P3H1: variants seen among roughly 807,000 people sequenced by gnomAD.
The protein encoded by P3H1 is prolyl 3-hydroxylase 1.
P3H1 carries 69 observed loss-of-function variants against 84.0 expected under a neutral mutation model. The observed-to-expected ratio is 0.82, with a 90% CI of 0.68 to 1.00. The LOEUF is 1.00. Ranked by LOEUF, P3H1 falls within the 50% of genes least tolerant of loss-of-function variation. P3H1 has a pLI of 0.00. For synonymous variants in P3H1, 366 were observed against 388.8 expected (o/e 0.94, Z 0.69); for missense variants, 878 against 962.8 (o/e 0.91, Z 1.17).
At position 42,752,316 on chromosome 1, in the gene P3H1, G is replaced by A. The variant is rs1349076527; in HGVS notation, c.1527C>T (p.Pro509=). The A allele has an allele frequency of 9.3e-6, 15 of 1,613,998 alleles. No homozygotes were observed. Among genetic ancestry groups the A allele is most frequent in the Non-Finnish European group, 1.3e-5 (15 of 1,180,024 alleles). ...GYRGQTSPHT[P]NEKFYGVTVF... The stretch of plus-strand genomic sequence containing the variant: ...CAGTGACACCATAGAACTTTTCATT[G>A]GGAGTATGTGGGGAGGTCTGACCCC... Residue 509 remains proline (P), a synonymous_variant, in exon 10 of 15, where the codon CCC becomes CCT. Transcript: ENST00000296388.
chr1:42,753,096 C>T (rs1349668591), intron 8 of P3H1, among the ~76,000 whole-genome samples: 2 of 152,100 alleles, frequency 1.3e-5, no homozygotes, highest in Non-Finnish European at 2.9e-5. Flanking sequence ...ATGTTTGATG[C>T]CAGTATAATG....
At chr1:42,762,143 T>C (rs377161561) in intron 2 of P3H1, 180 bp downstream of exon 2, 2 of 611,886 alleles carry the variant, frequency 3.3e-6, no homozygotes, top group Non-Finnish European at 5.8e-6. Flanking sequence ...AAAGAATGCA[T>C]GCCTGTAGTC....
intron 5 of P3H1, among the ~76,000 whole-genome samples, chr1:42,757,073 T>C (rs1652441659): frequency 6.6e-6 from 1 of 152,144 alleles, no homozygotes. Flanking sequence ...CTCCCCTTAA[T>C]GGCCATAAGG....
chr1:42,758,604 TACA>T (rs1489025593), intron 4 of P3H1, among the ~76,000 whole-genome samples: 1 of 152,204 alleles, frequency 6.6e-6, no homozygotes, highest in Non-Finnish European at 1.5e-5. Context: ...AAAAATAGAT[TACA>T]AGTTATAGAA....
At chr1:42,760,155 T>C (rs1490054336) in intron 2 of P3H1, 1 of 151,820 alleles carries the variant, frequency 6.6e-6, no homozygotes, top group Non-Finnish European at 1.5e-5. Context: ...TGGCTAATTT[T>C]GTGTTTTTAG....
rs942656007 is a variant in P3H1, at chr1:42,750,455, T to A, written c.1570-119A>T. ...CCCATGTGTTGTGGAAGGGACCTGGTGGGAGATGACTGAATAATGGGGGTG... is the reference window on the plus strand; with the variant it reads ...CCCATGTGTTGTGGAAGGGACCTGGAGGGAGATGACTGAATAATGGGGGTG... On this transcript the variant is annotated intron_variant, in intron 10 of 14. Coordinates refer to ENST00000296388, the MANE Select transcript of P3H1 (RefSeq NM_022356.4). 8.0e-5 allele frequency: 88 copies of A among 1,105,204 alleles called. 2 individuals are homozygous for A. The highest frequency in any genetic ancestry group is 8.1e-6 in the Non-Finnish European group (6 of 744,676). 68.5% of individuals were successfully genotyped at this position (1,105,204 alleles called of 1,614,324 possible). A position where few individuals can be genotyped will look rare whatever the true frequency, so the allele number is the denominator to read the frequency against.
rs371680961 is a variant in P3H1 at position 42,763,861 on chromosome 1, G to A, written c.466-1386C>T. 7.9e-5 allele frequency among the ~76,000 whole-genome samples: 12 copies of A among 152,046 alleles called. No individual in the cohort carries two copies. The East Asian group carries it at 1.4e-3, about 17-fold the overall frequency. Reference sequence around the variant, plus strand: ...GACACTGGTATCAAAGAGACCAGCCGTGGCCAGGCACGGGGGTTCACGCCT... The same window carrying A: ...GACACTGGTATCAAAGAGACCAGCCATGGCCAGGCACGGGGGTTCACGCCT... On this transcript the variant is annotated intron_variant, in intron 1 of 14. Transcript: ENST00000296388.
In P3H1 at chr1:42,746,787, C is replaced by T. The variant is rs1427164051; in HGVS notation, c.2121G>A (p.Gln707=). 2 of 1,575,738 alleles carry T rather than the reference C, an allele frequency of 1.3e-6. No homozygotes were observed. The highest frequency in any genetic ancestry group is 2.3e-5 in the South Asian group (2 of 86,684). The change falls in exon 15 of 15, where the codon CAG becomes CAA. Residue 707 remains glutamine, a synonymous_variant. Transcript: ENST00000296388. ...LFSPEEMDLS[Q]EQPLDAQQGP... ...CCTGCTGGGCATCCAGGGGCTGCTCCTGGGAGAGGTCCATCTCTTCTGGGC... is the reference window on the plus strand; with the variant it reads ...CCTGCTGGGCATCCAGGGGCTGCTCTTGGGAGAGGTCCATCTCTTCTGGGC...
intron 5 of P3H1, 66 bp from the exon 6 acceptor site, chr1:42,755,703 C>A: frequency 8.1e-7 from 1 of 1,233,934 alleles, no homozygotes; most frequent in South Asian, 1.2e-5. Flanking sequence ...TGGGAGTTCC[C>A]CTCCCTGGCA....
At chr1:42,750,090 A>C (rs1310527026) in intron 11 of P3H1, 96 bp downstream of exon 11, 1 of 1,426,376 alleles carries the variant, frequency 7.0e-7, no homozygotes, top group East Asian at 2.5e-5. Context: ...ACTGAAGAAA[A>C]GGGACCGCAT....
intron 11 of P3H1, 71 bp downstream of exon 11, chr1:42,750,115 G>A: frequency 6.5e-7 from 1 of 1,545,984 alleles, no homozygotes; most frequent in East Asian, 2.4e-5. Context: ...TTCTCTCTGT[G>A]TCTTCAGCAT....
At position 42,751,827 on chromosome 1, in the gene P3H1, A is replaced by T. The variant is rs557661312; in HGVS notation, c.1569+447T>A. Reference sequence around the variant, plus strand: ...AGCAGTGTGAAAACGGACTAACACAACGCCCCTCTTTAGGGGCCAGAGACA... The same window carrying T: ...AGCAGTGTGAAAACGGACTAACACATCGCCCCTCTTTAGGGGCCAGAGACA... On this transcript the variant is annotated intron_variant, in intron 10 of 14. Transcript: ENST00000296388. The T allele has an allele frequency of 1.1e-4, 27 of 235,508 alleles. No individual in the cohort carries two copies. In the South Asian group the frequency reaches 1.7e-3, roughly 14 times the overall value. 14.6% of individuals were successfully genotyped at this position (235,508 alleles called of 1,614,324 possible).
At chr1:42,764,541 A>T (rs12030508) in intron 1 of P3H1, among the ~76,000 whole-genome samples, 38,693 of 152,004 alleles carry the variant, frequency 0.25, 5,618 homozygotes, top group Non-Finnish European at 0.32. Flanking sequence ...TACTTTCTAA[A>T]CTCAGTTTCC....
chr1:42,761,990 G>A (rs534267218), intron 2 of P3H1: 104 of 238,788 alleles, frequency 4.4e-4, no homozygotes, highest in South Asian at 4.4e-3. Flanking sequence ...AATATAAACT[G>A]GTTTTCTTAA....
At chr1:42,747,620 C>G in intron 13 of P3H1, 103 bp downstream of exon 13, 1 of 1,341,458 alleles carries the variant, frequency 7.5e-7, no homozygotes, top group Non-Finnish European at 1.1e-6. Flanking sequence ...GTACCGCCCA[C>G]TGGGAAGCCC....
chr1:42,762,605 T>C, intron 1 of P3H1, 130 bp from the exon 2 acceptor site: 4 of 956,346 alleles, frequency 4.2e-6, no homozygotes, highest in Non-Finnish European at 6.6e-6. Flanking sequence ...GCCCAGCCCC[T>C]GCCAGCCCCA....
At chr1:42,762,593 G>T in intron 1 of P3H1, 118 bp from the exon 2 acceptor site, 1 of 1,114,662 alleles carries the variant, frequency 9.0e-7, no homozygotes, top group Non-Finnish European at 1.3e-6. Context: ...TCCACTCAGC[G>T]TGCCCAGCCC....
Position 42,750,255 on chromosome 1 carries a change from A to G in P3H1, c.1651T>C (p.Ser551Pro). 1.2e-6 allele frequency: 2 copies of G among 1,613,522 alleles called. No individual in the cohort carries two copies. Residue 551 changes from serine to proline, a missense_variant, in exon 11 of 15, where the codon TCC (serine) becomes CCC (proline). Coordinates refer to ENST00000296388, the MANE Select transcript of P3H1 (RefSeq NM_022356.4). Reference sequence around the variant, plus strand: ...AGGGGCGTATCCAGGCGGAAGTAGGACTCCATGATGCGCCGCACCTTCTCC... The same window carrying G: ...AGGGGCGTATCCAGGCGGAAGTAGGGCTCCATGATGCGCCGCACCTTCTCC... ...VTEKVRRIME[S>P]YFRLDTPLYF... is the part of the protein sequence containing the mutation.
chr1:42,762,506 G>A (rs1174780743), intron 1 of P3H1, 31 bp from the exon 2 acceptor site: 4 of 1,612,634 alleles, frequency 2.5e-6, no homozygotes, highest in Admixed American at 1.7e-5. Flanking sequence ...GGTGGATAAT[G>A]CTCACATCCA....
Sources: allele counts gnomAD v4.1 joint callset (sites outside exome capture counted in the v4.1 genomes callset), GRCh38; gene constraint gnomAD v4.1.1; transcripts MANE v1.5; gene names NCBI Gene and HGNC (gene_info 2026-07-23, HGNC 2026-07-21).